The following NVL variants were observed in gnomAD, a reference collection of about 807,000 sequenced individuals.
NVL encodes the protein nuclear valosin-containing protein-like.
In NVL, 84 loss-of-function variants were observed where a neutral mutation model predicts 110.2. The observed-to-expected ratio is 0.76, with a 90% CI of 0.64 to 0.91. NVL has a LOEUF of 0.91. Ranked by LOEUF, NVL falls within the 40% of genes least tolerant of loss-of-function variation. NVL has a pLI of 0.00. For synonymous variants in NVL, 354 were observed against 361.1 expected (o/e 0.98, Z 0.22); for missense variants, 882 against 1,035.9 (o/e 0.85, Z 2.04).
At chr1:224,236,618 T>C in intron 19 of NVL, 36 bp from the exon 20 acceptor site, 1 of 1,549,964 alleles carries the variant, frequency 6.5e-7, no homozygotes, top group Non-Finnish European at 8.9e-7. Context: ...TCATTGGAGC[T>C]TTAAAGACCA....
At chr1:224,300,456 G>T in intron 10 of NVL, 106 bp downstream of exon 10, 1 of 633,556 alleles carries the variant, frequency 1.6e-6, no homozygotes, top group Non-Finnish European at 2.7e-6. Context: ...ATTAATAAAA[G>T]AATGGCCAGT....
chr1:224,328,363 T>G (rs919489834), intron 1 of NVL, among the ~76,000 whole-genome samples: 3 of 149,996 alleles, frequency 2.0e-5, no homozygotes, highest in Non-Finnish European at 4.4e-5. Flanking sequence ...CTACTAAAAA[T>G]ACAAAAAGTA....
chr1:224,295,555 C>T (rs1296013274), intron 11 of NVL, among the ~76,000 whole-genome samples: 2 of 151,844 alleles, frequency 1.3e-5, no homozygotes, highest in African/African-American at 4.8e-5. Context: ...AGAATGCAGG[C>T]CTCAAAGACA....
At chr1:224,254,244 C>T (rs1388310993) in intron 18 of NVL, among the ~76,000 whole-genome samples, 4 of 151,952 alleles carry the variant, frequency 2.6e-5, no homozygotes, top group Non-Finnish European at 1.5e-5. Context: ...AGGTGACCAC[C>T]ACCATGCCCG....
chr1:224,256,875 C>T (rs922382573), intron 18 of NVL: 1 of 394,616 alleles, frequency 2.5e-6, no homozygotes, highest in Admixed American at 4.3e-5. Flanking sequence ...ACATCCTTAA[C>T]TACTCCATTA....
At chr1:224,315,829 T>A (rs1196218408) in intron 4 of NVL, among the ~76,000 whole-genome samples, 2 of 152,232 alleles carry the variant, frequency 1.3e-5, no homozygotes, top group African/African-American at 4.8e-5. Flanking sequence ...TAGAATTTTA[T>A]GAGCATAAAT....
intron 18 of NVL, among the ~76,000 whole-genome samples, chr1:224,252,415 G>A (rs568806174): frequency 2.0e-5 from 3 of 152,190 alleles, no homozygotes; most frequent in African/African-American, 7.2e-5. Context: ...CCATTAATAT[G>A]AGGGTTCTTA....
At chr1:224,318,132 C>G (rs575361402) in intron 2 of NVL, among the ~76,000 whole-genome samples, 43 of 152,042 alleles carry the variant, frequency 2.8e-4, no homozygotes, top group Non-Finnish European at 5.1e-4. Flanking sequence ...TTTAAACTAA[C>G]CTTTTTTGCT....
chr1:224,323,801 G>C (rs1670888530), intron 2 of NVL, among the ~76,000 whole-genome samples: 1 of 152,144 alleles, frequency 6.6e-6, no homozygotes, highest in South Asian at 2.1e-4. Flanking sequence ...CACAGGGCAG[G>C]GCATCAAGCC....
intron 18 of NVL, among the ~76,000 whole-genome samples, chr1:224,253,164 C>A (rs1266898639): frequency 1.3e-5 from 2 of 151,774 alleles, no homozygotes; most frequent in African/African-American, 4.8e-5. Context: ...TCTGCATCAG[C>A]CTCCCAAGTA....
Position 224,289,569 on chromosome 1 carries a change from T to C in NVL, c.1490A>G (p.Gln497Arg), listed in dbSNP as rs935967653. 2 of 1,614,262 alleles carry C rather than the reference T, an allele frequency of 1.2e-6. No individual in the cohort carries two copies. The highest frequency in any genetic ancestry group is 1.7e-6 in the Non-Finnish European group (2 of 1,180,052). The change falls in exon 13 of 23, where the codon CAG becomes CGG. Residue 497 changes from glutamine to arginine, a missense_variant. Physicochemically the swap from Gln to Arg is conservative, Grantham distance 43. Transcript: ENST00000281701. ...NRVLMKLQEQ[Q>R]KKNPEMEDLP... ...ATCTTCCATTTCAGGATTTTTCTTC[T>C]GCTGTTCCTGTAGCTTCATTAAGAC...
intron 16 of NVL, 47 bp from the exon 17 acceptor site, chr1:224,275,505 T>C: frequency 6.2e-7 from 1 of 1,612,520 alleles, no homozygotes; most frequent in Non-Finnish European, 8.5e-7. Flanking sequence ...TTCAACTTTG[T>C]GGTTTGGGTC....
At chr1:224,237,480 G>GA (rs1365371626) in intron 19 of NVL, among the ~76,000 whole-genome samples, 2 of 151,738 alleles carry the variant, frequency 1.3e-5, no homozygotes, top group Admixed American at 1.3e-4. Context: ...GGATGTAGAG[G>GA]AAAAAAAACC....
intron 18 of NVL, among the ~76,000 whole-genome samples, chr1:224,255,383 G>A (rs1048930634): frequency 3.3e-5 from 5 of 150,966 alleles, no homozygotes; most frequent in Non-Finnish European, 7.4e-5. Flanking sequence ...TAGTAGAGAC[G>A]GAGTTTCACC....
intron 19 of NVL, among the ~76,000 whole-genome samples, chr1:224,243,663 CTT>C (rs34312268): frequency 2.9e-5 from 4 of 136,710 alleles, no homozygotes; most frequent in Admixed American, 7.5e-5. Flanking sequence ...TTAAGTCATA[CTT>C]TTTTTTTTTT....
chr1:224,320,971 G>A (rs1670588449), intron 2 of NVL, among the ~76,000 whole-genome samples: 1 of 152,208 alleles, frequency 6.6e-6, no homozygotes, highest in South Asian at 2.1e-4. Context: ...GCAACTTGGG[G>A]CCTGGCACGG....
chr1:224,324,178 A>G (rs1487677446), intron 2 of NVL, among the ~76,000 whole-genome samples: 1 of 152,218 alleles, frequency 6.6e-6, no homozygotes, highest in Non-Finnish European at 1.5e-5. Context: ...CTGTAACACA[A>G]TGGTATTGTG....
intron 18 of NVL, among the ~76,000 whole-genome samples, chr1:224,254,697 G>T (rs1489952704): frequency 8.6e-5 from 13 of 151,436 alleles, no homozygotes; most frequent in Non-Finnish European, 1.5e-4. Context: ...TTACAGGCGT[G>T]AGCCACTGTG....
intron 2 of NVL, 56 bp from the exon 3 acceptor site, chr1:224,317,986 T>G: frequency 8.1e-7 from 1 of 1,231,226 alleles, no homozygotes; most frequent in Non-Finnish European, 1.2e-6. Flanking sequence ...ATTTTTCCAT[T>G]AAGTTCAATC....
Sources: gnomAD v4.1 joint callset for allele counts (sites outside exome capture counted in the v4.1 genomes callset) on GRCh38, gnomAD v4.1.1 for gene constraint, MANE v1.5 for transcripts, NCBI Gene and HGNC (gene_info 2026-07-23, HGNC 2026-07-21) for gene names.